The following RBFOX1 variants were observed in gnomAD, a reference collection of about 807,000 sequenced individuals.
RBFOX1 encodes the protein RNA binding protein fox-1 homolog 1.
RBFOX1 carries 8 observed loss-of-function variants against 57.7 expected under a neutral mutation model. The observed-to-expected ratio is 0.14, with a 90% CI of 0.08 to 0.25. The LOEUF (loss-of-function observed/expected upper bound fraction) is 0.25. Among genes scored for constraint, RBFOX1 ranks in the 10% least tolerant of loss-of-function variants. RBFOX1 has a pLI of 1.00. For synonymous variants in RBFOX1, 326 were observed against 222.4 expected (o/e 1.47, Z -4.15); for missense variants, 611 against 548.5 (o/e 1.11, Z -1.14).
At chr16:7,074,555 T>G (rs118116305) in intron 4 of RBFOX1, among the ~76,000 whole-genome samples, 1 of 151,666 alleles carries the variant, frequency 6.6e-6, no homozygotes. Flanking sequence ...TTGAAAAAAA[T>G]TGAAAAAAGC....
At chr16:6,750,089 T>C (rs1194781313) in intron 3 of RBFOX1, among the ~76,000 whole-genome samples, 1 of 152,172 alleles carries the variant, frequency 6.6e-6, no homozygotes, top group East Asian at 1.9e-4. Flanking sequence ...TCGAGGTGTA[T>C]AGGGTTATGA....
chr16:7,213,646 G>A (rs540894981), intron 4 of RBFOX1, among the ~76,000 whole-genome samples: 1 of 152,158 alleles, frequency 6.6e-6, no homozygotes, highest in African/African-American at 2.4e-5. Flanking sequence ...TGGATCTTGA[G>A]ATGAGCTATC....
chr16:6,674,196 C>G (rs1444909798), intron 3 of RBFOX1, among the ~76,000 whole-genome samples: 2 of 152,142 alleles, frequency 1.3e-5, no homozygotes, highest in East Asian at 1.9e-4. Context: ...GCTTTTCCCA[C>G]CCCCATACCT....
At chr16:7,446,843 C>G (rs1209666500) in intron 4 of RBFOX1, among the ~76,000 whole-genome samples, 1 of 111,174 alleles carries the variant, frequency 9.0e-6, no homozygotes, top group Non-Finnish European at 1.7e-5. Context: ...GACAGTGTCT[C>G]ACTCTGTCAC....
chr16:6,867,670 G>A (rs2060175809), intron 3 of RBFOX1, among the ~76,000 whole-genome samples: 3 of 152,228 alleles, frequency 2.0e-5, no homozygotes, highest in South Asian at 4.2e-4. Flanking sequence ...AGTGAGTGCC[G>A]AGATTGCCTG....
chr16:6,999,198 T>G (rs923498988), intron 3 of RBFOX1, among the ~76,000 whole-genome samples: 1 of 117,086 alleles, frequency 8.5e-6, no homozygotes, highest in African/African-American at 3.0e-5. Context: ...TATTTTATTT[T>G]ATTTTTTATT....
chr16:6,354,370 C>T (rs767295691), intron 2 of RBFOX1, among the ~76,000 whole-genome samples: 1 of 152,206 alleles, frequency 6.6e-6, no homozygotes, highest in Non-Finnish European at 1.5e-5. Flanking sequence ...ACCCTATCTT[C>T]GTTTCTTTGT....
chr16:5,792,668 C>T (rs959420417), intron 3 of RBFOX1, among the ~76,000 whole-genome samples: 2 of 152,072 alleles, frequency 1.3e-5, no homozygotes, highest in Non-Finnish European at 2.9e-5. Context: ...CGTGCTGAAA[C>T]CCCGTCTCTA....
At chr16:5,317,893 C>G (rs2064286211) in intron 1 of RBFOX1, among the ~76,000 whole-genome samples, 1 of 152,084 alleles carries the variant, frequency 6.6e-6, no homozygotes, top group Non-Finnish European at 1.5e-5. Context: ...TATCATCTTC[C>G]TAAACAGAAA....
At chr16:5,908,581 G>C (rs1194327939) in intron 4 of RBFOX1, among the ~76,000 whole-genome samples, 2 of 151,984 alleles carry the variant, frequency 1.3e-5, no homozygotes, top group East Asian at 3.9e-4. Context: ...TCGAACTCCT[G>C]ACCTCAAGTG....
At chr16:5,364,459 A>C (rs1394445610) in intron 1 of RBFOX1, among the ~76,000 whole-genome samples, 1 of 152,244 alleles carries the variant, frequency 6.6e-6, no homozygotes, top group Admixed American at 6.5e-5. Context: ...GCCAATGGCA[A>C]GTACAGCCTC....
intron 3 of RBFOX1, among the ~76,000 whole-genome samples, chr16:6,963,071 T>C (rs1246536659): frequency 2.0e-5 from 3 of 152,116 alleles, no homozygotes; most frequent in African/African-American, 4.8e-5. Flanking sequence ...AGTCAAATGC[T>C]CCAGGCCCAC....
chr16:7,060,123 T>G (rs1322583520), intron 4 of RBFOX1, among the ~76,000 whole-genome samples: 1 of 152,168 alleles, frequency 6.6e-6, no homozygotes. Context: ...TTTAAACTTT[T>G]TCTGAAAAAA....
At chr16:5,362,650 C>T (rs1734817600) in intron 1 of RBFOX1, among the ~76,000 whole-genome samples, 2 of 152,162 alleles carry the variant, frequency 1.3e-5, no homozygotes, top group South Asian at 2.1e-4. Context: ...GCGTGAGCCA[C>T]CGCGCCAGGC....
At chr16:5,710,199 G>C (rs1342575394) in intron 3 of RBFOX1, among the ~76,000 whole-genome samples, 1 of 151,940 alleles carries the variant, frequency 6.6e-6, no homozygotes, top group East Asian at 1.9e-4. Context: ...CAGTGGATAG[G>C]GTCCTATTTT....
chr16:6,850,199 C>G (rs996066439), intron 3 of RBFOX1, among the ~76,000 whole-genome samples: 2 of 152,108 alleles, frequency 1.3e-5, no homozygotes, highest in Non-Finnish European at 2.9e-5. Context: ...TTCAGTTGTT[C>G]CTCAAATGAA....
intron 4 of RBFOX1, among the ~76,000 whole-genome samples, chr16:7,418,990 G>A (rs1450746369): frequency 6.6e-6 from 1 of 152,042 alleles, no homozygotes; most frequent in Non-Finnish European, 1.5e-5. Flanking sequence ...CTGCACCCTT[G>A]ACCTCCCGGG....
chr16:6,928,620 A>G (rs1158824496), intron 3 of RBFOX1, among the ~76,000 whole-genome samples: 1 of 152,146 alleles, frequency 6.6e-6, no homozygotes, highest in Non-Finnish European at 1.5e-5. Flanking sequence ...GTAGCTCCCA[A>G]GGTCTCTAGC....
intron 1 of RBFOX1, among the ~76,000 whole-genome samples, chr16:6,123,279 A>T (rs1004287443): frequency 7.2e-5 from 11 of 152,238 alleles, no homozygotes; most frequent in African/African-American, 2.7e-4. Context: ...TGAATGAATA[A>T]ATAAGATGTG....
Sources: allele counts gnomAD v4.1 joint callset (sites outside exome capture counted in the v4.1 genomes callset), GRCh38; gene constraint gnomAD v4.1.1; transcripts MANE v1.5; gene names NCBI Gene and HGNC (gene_info 2026-07-23, HGNC 2026-07-21).